Variants in GABRG3 observed in about 807,000 individuals in gnomAD.
The protein encoded by GABRG3 is gamma-aminobutyric acid type A receptor subunit gamma3.
A neutral mutation model predicts 48.8 loss-of-function variants in GABRG3; 25 were observed. The observed-to-expected ratio is 0.51, with a 90% CI of 0.37 to 0.72. The LOEUF (loss-of-function observed/expected upper bound fraction) is 0.72, where lower values mean the gene tolerates loss of function less well. Ranked by LOEUF, GABRG3 falls within the 30% of genes least tolerant of loss-of-function variation. The pLI is 0.00. For synonymous variants in GABRG3, 227 were observed against 217.6 expected, an observed-to-expected ratio of 1.04 and a Z score of -0.38; for missense variants, 394 against 577.9, an observed-to-expected ratio of 0.68 and a Z score of 3.26.
chr15:27,467,490 A>G (rs1566854355), intron 5 of GABRG3, among the ~76,000 whole-genome samples: 1 of 152,218 alleles, frequency 6.6e-6, no homozygotes, highest in Non-Finnish European at 1.5e-5. Flanking sequence ...GAATTACTTA[A>G]TGGGATCGTA....
chr15:27,350,153 C>G (rs892446816), intron 5 of GABRG3: 1 of 455,922 alleles, frequency 2.2e-6, no homozygotes, highest in Non-Finnish European at 4.4e-6. Context: ...CAGATTGTCT[C>G]TTCATGCATA....
rs1468232279 is a variant in GABRG3, at chr15:27,026,784, A to T, written c.233A>T (p.Tyr78Phe). The T allele has an allele frequency of 6.2e-7, 1 of 1,611,972 alleles. No homozygotes were observed. The highest frequency in any genetic ancestry group is 1.7e-5 in the Admixed American group (1 of 59,366). ...CCGACCGTAATTGACGTTGACATTT[A>T]TGTTAACAGCATTGGTCCTGTGTCA... ...IKPTVIDVDI[Y>F]VNSIGPVSSI... Residue 78 changes from tyrosine to phenylalanine, a missense_variant, in exon 3 of 10, where the codon TAT becomes TTT. Tyr to Phe is a conservative substitution (Grantham distance 22). This residue lies in a region of GABRG3 where 218 missense variants were observed against 309.9 expected (regional missense o/e 0.70). Transcript: ENST00000615808.
At chr15:27,025,834 T>C (rs1389795034) in intron 2 of GABRG3, among the ~76,000 whole-genome samples, 1 of 152,218 alleles carries the variant, frequency 6.6e-6, no homozygotes, top group Admixed American at 6.5e-5. Flanking sequence ...TCAGGAGTCT[T>C]GTTCATATTC....
chr15:27,477,137 T>A (rs1889964661), intron 5 of GABRG3, among the ~76,000 whole-genome samples: 1 of 152,226 alleles, frequency 6.6e-6, no homozygotes, highest in South Asian at 2.1e-4. Flanking sequence ...ACCTGTATGT[T>A]TGTAGCAGCT....
chr15:26,985,403 A>G (rs1383734358), intron 2 of GABRG3, among the ~76,000 whole-genome samples: 1 of 152,236 alleles, frequency 6.6e-6, no homozygotes, highest in Non-Finnish European at 1.5e-5. Flanking sequence ...TGTCCCCCAA[A>G]TAGGTCAGGA....
intron 5 of GABRG3, among the ~76,000 whole-genome samples, chr15:27,341,278 A>G (rs1894167405): frequency 6.6e-6 from 1 of 152,176 alleles, no homozygotes; most frequent in Admixed American, 6.5e-5. Context: ...TCAGAGTTTT[A>G]AGATTAGCAT....
At chr15:27,176,936 C>T (rs566399083) in intron 3 of GABRG3, among the ~76,000 whole-genome samples, 79 of 152,094 alleles carry the variant, frequency 5.2e-4, no homozygotes, top group Non-Finnish European at 8.4e-4. Flanking sequence ...AGTTTCTTGC[C>T]CACTGCATAG....
intron 3 of GABRG3, among the ~76,000 whole-genome samples, chr15:27,169,765 A>G (rs975042550): frequency 6.6e-6 from 1 of 152,184 alleles, no homozygotes; most frequent in African/African-American, 2.4e-5. Context: ...TGGGAAAATC[A>G]TACTCAAATT....
intron 5 of GABRG3, among the ~76,000 whole-genome samples, chr15:27,388,216 G>A (rs1896055030): frequency 1.0e-4 from 6 of 57,170 alleles, no homozygotes; most frequent in Admixed American, 1.9e-4. Flanking sequence ...AAGGAAAGGA[G>A]GAAGGAAGGA....
chr15:27,174,230 T>C (rs1021312692), intron 3 of GABRG3, among the ~76,000 whole-genome samples: 3 of 152,250 alleles, frequency 2.0e-5, no homozygotes, highest in African/African-American at 7.2e-5. Flanking sequence ...GACTGTCCAG[T>C]GCATTTGGTG....
chr15:26,998,422 A>G (rs374687300), intron 2 of GABRG3, among the ~76,000 whole-genome samples: 7 of 152,200 alleles, frequency 4.6e-5, no homozygotes, highest in Admixed American at 3.9e-4. Context: ...ACAGCAGCCC[A>G]ATACTCCCAG....
At chr15:27,493,576 ATATAT>A (rs1566865996) in intron 6 of GABRG3, among the ~76,000 whole-genome samples, 1 of 152,226 alleles carries the variant, frequency 6.6e-6, no homozygotes, top group East Asian at 1.9e-4. Context: ...TAATCAACAA[ATATAT>A]TATTTTCTGA....
chr15:27,209,760 G>A (rs1171230082), intron 3 of GABRG3, among the ~76,000 whole-genome samples: 3 of 152,236 alleles, frequency 2.0e-5, no homozygotes, highest in Non-Finnish European at 1.5e-5. Flanking sequence ...CAGACTGGGG[G>A]CTCAAACAGC....
chr15:27,147,060 A>T (rs1283663449), intron 3 of GABRG3, among the ~76,000 whole-genome samples: 3 of 152,088 alleles, frequency 2.0e-5, no homozygotes, highest in African/African-American at 7.2e-5. Context: ...CAGTTCAAAG[A>T]CACAAGTAAG....
At chr15:27,304,291 C>T (rs1892315978) in intron 3 of GABRG3, among the ~76,000 whole-genome samples, 1 of 151,920 alleles carries the variant, frequency 6.6e-6, no homozygotes, top group African/African-American at 2.4e-5. Flanking sequence ...GAAGATATGA[C>T]ACTTTATATA....
At chr15:27,070,221 G>C (rs1198478417) in intron 3 of GABRG3, among the ~76,000 whole-genome samples, 1 of 152,204 alleles carries the variant, frequency 6.6e-6, no homozygotes, top group Non-Finnish European at 1.5e-5. Context: ...ACCTTTCTCT[G>C]TATCTTCAGT....
At chr15:27,034,731 A>G (rs1024221588) in intron 3 of GABRG3, among the ~76,000 whole-genome samples, 13 of 152,144 alleles carry the variant, frequency 8.5e-5, no homozygotes, top group Non-Finnish European at 1.3e-4. Context: ...ACTTACCCCA[A>G]TCATCCAGTC....
At chr15:27,441,922 G>A (rs1443513632) in intron 5 of GABRG3, among the ~76,000 whole-genome samples, 2 of 152,218 alleles carry the variant, frequency 1.3e-5, no homozygotes, top group Admixed American at 6.5e-5. Context: ...AGCTGTGAAT[G>A]TTGGAGAGCA....
rs1419109399 is a variant in GABRG3, at chr15:27,537,792, AC to A, written c.*4912del. On this transcript the variant is annotated 3_prime_UTR_variant, in exon 10 of 10. Coordinates refer to ENST00000615808, the MANE Select transcript of GABRG3 (RefSeq NM_033223.5). ...TAGTTGTATTAAGGCCAAAAGGCAG[AC>A]TTTCTTTATATTTATTTTTATTATT... The A allele has an allele frequency of 6.6e-6, 1 of 150,840 alleles. No individual in the cohort carries two copies. The highest frequency in any genetic ancestry group is 1.5e-5 in the Non-Finnish European group (1 of 67,744). 9.3% of individuals were successfully genotyped at this position (150,840 alleles called of 1,614,324 possible). A position where few individuals can be genotyped will look rare whatever the true frequency, so the allele number is the denominator to read the frequency against.
Sources: allele counts gnomAD v4.1 joint callset (sites outside exome capture counted in the v4.1 genomes callset), GRCh38; gene constraint gnomAD v4.1.1; regional missense constraint gnomAD v4.1.1; transcripts MANE v1.5; gene names NCBI Gene and HGNC (gene_info 2026-07-23, HGNC 2026-07-21).